Variants in OTOF observed in about 807,000 individuals in gnomAD.
OTOF encodes the protein fer-1-like family member 2.
In OTOF, 218 loss-of-function variants were observed where a neutral mutation model predicts 236.8. The observed-to-expected ratio is 0.92, with a 90% confidence interval of 0.82 to 1.03. The LOEUF (loss-of-function observed/expected upper bound fraction) is 1.03, where lower values mean the gene tolerates loss of function less well. OTOF is among the 50% of genes least tolerant of loss of function. The probability of loss-of-function intolerance (pLI) is 0.00; values close to 1 mark genes in which losing one functional copy is unlikely to be tolerated. For missense variants in OTOF, 2,590 were observed against 2,694.4 expected (o/e 0.96, Z 0.86); for synonymous variants, 1,041 against 1,072.5 (o/e 0.97, Z 0.57).
chr2:26,511,528 C>T (rs1339120712), intron 5 of OTOF, among the ~76,000 whole-genome samples: 6 of 152,218 alleles, frequency 3.9e-5, no homozygotes, highest in African/African-American at 1.4e-4. Context: ...ACAGGCCTTG[C>T]CCAGGTAGAC....
At chr2:26,529,157 G>T (rs1316305854) in intron 2 of OTOF, among the ~76,000 whole-genome samples, 1 of 152,220 alleles carries the variant, frequency 6.6e-6, no homozygotes. Flanking sequence ...ATGGCCAGGG[G>T]TGAACAGGAT....
Position 26,479,616 on chromosome 2 carries a change from G to A in OTOF, c.1950C>T (p.Pro650=). The A allele has an allele frequency of 1.2e-6, 2 of 1,612,524 alleles. No homozygotes were observed. Among genetic ancestry groups the A allele is most frequent in the Non-Finnish European group, 1.7e-6 (2 of 1,179,722 alleles). ...GCTCCTTCCGGGGCCGAGGCCGCTG[G>A]GGCCGGGACAGGCCATCAACTTCGT... ...YGNEVDGLSR[P]QRPRPRKEPG... The change falls in exon 17 of 47, where the codon CCC becomes CCT. Residue 650 remains proline (P), a synonymous_variant. Transcript: ENST00000272371.
chr2:26,509,901 C>G (rs554662067), intron 5 of OTOF, among the ~76,000 whole-genome samples: 1 of 152,266 alleles, frequency 6.6e-6, no homozygotes, highest in South Asian at 2.1e-4. Flanking sequence ...TGTTCTGAGA[C>G]AGATTTGTCA....
chr2:26,467,050 G>A (rs766145616), intron 35 of OTOF, 49 bp downstream of exon 35: 3 of 1,607,786 alleles, frequency 1.9e-6, no homozygotes, highest in African/African-American at 2.7e-5. Context: ...CCTGTGGGGG[G>A]GGCAAGGGCT....
At position 26,458,136 on chromosome 2, in the gene OTOF, G is replaced by T; in HGVS notation, c.*102C>A. ...CCAACAGCGCCAGCACGATCTTGAT[G>T]ATGAGCCACTTGTACCGGGTGCAGA... On this transcript the variant is annotated 3_prime_UTR_variant, in exon 47 of 47. Coordinates refer to ENST00000272371, the MANE Select transcript of OTOF (RefSeq NM_194248.3). The T allele has an allele frequency of 6.2e-7, 1 of 1,614,168 alleles. No individual in the cohort carries two copies. The highest frequency in any genetic ancestry group is 8.5e-7 in the Non-Finnish European group (1 of 1,179,990).
In OTOF at chr2:26,457,765, C is replaced by A; in HGVS notation, c.*473G>T. 1 of 448,956 alleles carries A rather than the reference C, an allele frequency of 2.2e-6. No individual in the cohort carries two copies. The highest frequency in any genetic ancestry group is 3.4e-5 in the South Asian group (1 of 29,072). The allele number at this position is 448,956 out of a possible 1,614,324, so 27.8% of individuals were successfully genotyped here. The stretch of plus-strand genomic sequence containing the variant: ...AGCCTGGGCCTGAAGAAGGGTGGCG[C>A]CTCAGCCAGGTGGGGCAAGAGAGAC... On this transcript the variant is annotated 3_prime_UTR_variant, in exon 47 of 47. Transcript: ENST00000272371. The surrounding 1 kb of genome is among the most constrained non-coding windows in gnomAD (Gnocchi z 4.4).
Position 26,461,196 on chromosome 2 carries a change from C to A in OTOF, c.5534-166G>T, listed in dbSNP as rs1377363272. 6.6e-6 allele frequency among the ~76,000 whole-genome samples: 1 copy of A among 152,138 alleles called. No individual in the cohort carries two copies. The highest frequency in any genetic ancestry group is 1.9e-4 in the East Asian group (1 of 5,180). The stretch of plus-strand genomic sequence containing the variant: ...AGCAACTGGCCTCAATGCAGGCATC[C>A]TCGTGGGCTTGCTAGGCAGCCCCAG... On this transcript the variant is annotated intron_variant, in intron 43 of 46. Coordinates refer to ENST00000272371, the MANE Select transcript of OTOF (RefSeq NM_194248.3). This position sits in a 1 kb window ranked among gnomAD's most constrained non-coding sequence, Gnocchi z 6.2.
In OTOF at chr2:26,482,411, T is replaced by C. The variant is rs1665562519; in HGVS notation, c.1574A>G (p.Asp525Gly). 1 of 1,613,138 alleles carries C rather than the reference T, an allele frequency of 6.2e-7. No homozygotes were observed. Among genetic ancestry groups the C allele is most frequent in the Non-Finnish European group, 8.5e-7 (1 of 1,179,974 alleles). The change falls in exon 14 of 47, where the codon GAC becomes GGC. Residue 525 changes from aspartate to glycine, a missense_variant. Coordinates refer to ENST00000272371, the MANE Select transcript of OTOF (RefSeq NM_194248.3). ...IDLRKISNDG[D>G]KGFLPTLGPA... is the part of the protein sequence containing the mutation. ...CCGGGTCTCCCGCTGCTGACCTTTG[T>C]CTCCGTCATTAGAAATCTTGCGCAG...
intron 36 of OTOF, 61 bp downstream of exon 36, chr2:26,466,653 G>T: frequency 6.3e-7 from 1 of 1,595,380 alleles, no homozygotes; most frequent in Non-Finnish European, 8.6e-7. Context: ...CAGCTTCTTT[G>T]CTCTCTCCCA....
rs796550882 is a variant in OTOF at position 26,473,831 on chromosome 2, C to T, written c.3408+160G>A. The stretch of plus-strand genomic sequence containing the variant: ...GGCATGGTCCTGGGACATGGGAGTG[C>T]GACTTGGTGCAGATGGGGGCAGGCC... On this transcript the variant is annotated intron_variant, in intron 27 of 46. Coordinates refer to ENST00000272371, the MANE Select transcript of OTOF (RefSeq NM_194248.3). The surrounding 1 kb of genome is among the most constrained non-coding windows in gnomAD (Gnocchi z 7.2). Among the ~76,000 whole-genome samples the T allele has an allele frequency of 2.2e-4, 34 of 152,106 alleles. No homozygotes were observed. Among genetic ancestry groups the T allele is most frequent in the African/African-American group, 7.2e-4 (30 of 41,464 alleles).
intron 40 of OTOF, 134 bp downstream of exon 40, chr2:26,463,827 TTGG>T: frequency 8.3e-7 from 1 of 1,205,938 alleles, no homozygotes; most frequent in Non-Finnish European, 1.2e-6. Flanking sequence ...CTGAGGGGCC[TTGG>T]TGGGAAGGTG....
intron 6 of OTOF, among the ~76,000 whole-genome samples, chr2:26,502,962 GCAGACATGTGGATTCCGAA>G (rs1490587028): frequency 6.6e-6 from 1 of 152,254 alleles, no homozygotes; most frequent in African/African-American, 2.4e-5. Context: ...CTAATGAGAT[GCAGACATGTGGATTCCGAA>G]CAGCCACCCA....
At chr2:26,536,903 G>A (rs530749967) in intron 2 of OTOF, among the ~76,000 whole-genome samples, 169 of 152,320 alleles carry the variant, frequency 1.1e-3, no homozygotes, top group African/African-American at 3.7e-3. Context: ...GTGAGGAGGC[G>A]GAGGAGGCCG....
intron 5 of OTOF, among the ~76,000 whole-genome samples, chr2:26,507,223 A>G (rs1666271635): frequency 6.6e-6 from 1 of 152,356 alleles, no homozygotes; most frequent in South Asian, 2.1e-4. Context: ...TTCTTACTAC[A>G]GGCTCTGTAC....
In OTOF at chr2:26,472,124, G is replaced by A. The variant is rs59310832; in HGVS notation, c.3864+395C>T. Among the ~76,000 whole-genome samples, 674 of 147,188 alleles carry A rather than the reference G, an allele frequency of 4.6e-3. 3 individuals are homozygous for A. The highest frequency in any genetic ancestry group is 0.015 in the African/African-American group (578 of 39,412). Reference sequence around the variant, plus strand: ...ATGCATGCACATGTGCACACCACACGCACGCACGTGCATATGCACATACCC... The same window carrying A: ...ATGCATGCACATGTGCACACCACACACACGCACGTGCATATGCACATACCC... On this transcript the variant is annotated intron_variant, in intron 30 of 46. Coordinates refer to ENST00000272371, the MANE Select transcript of OTOF (RefSeq NM_194248.3).
intron 2 of OTOF, among the ~76,000 whole-genome samples, chr2:26,529,134 T>G (rs1666879989): frequency 6.6e-6 from 1 of 151,928 alleles, no homozygotes; most frequent in Admixed American, 6.6e-5. Context: ...GCCACAAGCA[T>G]GAGGGAAGGA....
At chr2:26,548,950 A>G (rs1227735608) in intron 1 of OTOF, among the ~76,000 whole-genome samples, 2 of 152,148 alleles carry the variant, frequency 1.3e-5, no homozygotes, top group East Asian at 3.9e-4. Flanking sequence ...TTTATTTAAC[A>G]TAATGTTTTC....
chr2:26,494,233 C>T (rs1665919604), intron 9 of OTOF, among the ~76,000 whole-genome samples: 3 of 152,238 alleles, frequency 2.0e-5, no homozygotes, highest in Admixed American at 2.0e-4. Flanking sequence ...AGTAGAAGGT[C>T]TCTGAGGTCC....
chr2:26,479,221 C>G (rs778026237), intron 18 of OTOF, 43 bp downstream of exon 18: 1 of 1,607,736 alleles, frequency 6.2e-7, no homozygotes, highest in Non-Finnish European at 8.5e-7. Flanking sequence ...AGCGCCGTCT[C>G]CCCCAGGACC....
Sources: gnomAD v4.1 joint callset for allele counts (sites outside exome capture counted in the v4.1 genomes callset) on GRCh38, gnomAD v4.1.1 for gene constraint, Gnocchi (gnomAD v3.1) non-coding constraint, MANE v1.5 for transcripts, NCBI Gene and HGNC (gene_info 2026-07-23, HGNC 2026-07-21) for gene names.